Variants in SIL1 observed in about 807,000 individuals in gnomAD.
SIL1 encodes SIL1 nucleotide exchange factor, also known as nucleotide exchange factor SIL1.
Under a neutral mutation model 49.1 loss-of-function variants are expected in SIL1, and 40 were observed. The ratio of observed to expected loss-of-function variants is 0.81; its 90% CI spans 0.63 to 1.06. The LOEUF (loss-of-function observed/expected upper bound fraction) is 1.06, where lower values mean the gene tolerates loss of function less well. SIL1 is among the 50% of genes least tolerant of loss of function. SIL1 has a pLI of 0.00. For missense variants in SIL1, 500 were observed against 572.6 expected (o/e 0.87, Z 1.29); for synonymous variants, 253 against 250.8 (o/e 1.01, Z -0.08).
chr5:139,142,638 T>C (rs949943318), intron 1 of SIL1, among the ~76,000 whole-genome samples: 1 of 151,842 alleles, frequency 6.6e-6, no homozygotes, highest in East Asian at 1.9e-4. Flanking sequence ...GAAAAGAACA[T>C]CCTCAACATA....
At chr5:138,992,219 A>C (rs1159959360) in intron 7 of SIL1, among the ~76,000 whole-genome samples, 1 of 152,190 alleles carries the variant, frequency 6.6e-6, no homozygotes, top group African/African-American at 2.4e-5. Context: ...TCCAAGTCAA[A>C]AGCTTGTGTG....
intron 4 of SIL1, among the ~76,000 whole-genome samples, chr5:139,047,724 G>C (rs1204098789): frequency 6.6e-6 from 1 of 152,222 alleles, no homozygotes; most frequent in Non-Finnish European, 1.5e-5. Flanking sequence ...CCAGAAGTAG[G>C]AAGTCACCAT....
intron 7 of SIL1, among the ~76,000 whole-genome samples, chr5:139,004,273 T>C (rs1052937354): frequency 1.3e-5 from 2 of 152,198 alleles, no homozygotes; most frequent in African/African-American, 4.8e-5. Flanking sequence ...AGTGCTGAGA[T>C]TACAGGTGTG....
Position 139,042,682 on chromosome 5 carries a change from G to A in SIL1, c.391C>T (p.Leu131Phe). The change falls in exon 5 of 10, where the codon CTC becomes TTC. Residue 131 changes from leucine (L) to phenylalanine (F), a missense_variant. Coordinates refer to ENST00000394817, the MANE Select transcript of SIL1 (RefSeq NM_022464.5). Reference protein sequence around the residue: ...INTNTYTSQDLKSALAKFKEG... With the variant: ...INTNTYTSQDFKSALAKFKEG... ...TTGAATTTTGCCAGTGCACTCTTGA[G>A]ATCCTGAGATGTGTAGGTGTTGGTG... 6.2e-7 allele frequency: 1 copy of A among 1,614,092 alleles called. No homozygotes were observed. The highest frequency in any genetic ancestry group is 8.5e-7 in the Non-Finnish European group (1 of 1,180,022).
chr5:139,163,648 G>T (rs1046969751), intron 1 of SIL1, among the ~76,000 whole-genome samples: 1 of 152,106 alleles, frequency 6.6e-6, no homozygotes, highest in Non-Finnish European at 1.5e-5. Flanking sequence ...GGGATTACAG[G>T]CATGAGCCAA....
At chr5:139,100,654 G>A (rs1352005103) in intron 3 of SIL1, among the ~76,000 whole-genome samples, 1 of 152,224 alleles carries the variant, frequency 6.6e-6, no homozygotes, top group African/African-American at 2.4e-5. Flanking sequence ...CGGGTGATGA[G>A]AAGTGGTCAA....
At chr5:139,186,160 G>C (rs1179378575) in intron 1 of SIL1, among the ~76,000 whole-genome samples, 2 of 152,148 alleles carry the variant, frequency 1.3e-5, no homozygotes, top group Non-Finnish European at 2.9e-5. Flanking sequence ...AAAAGTTCTT[G>C]AGTCACCACC....
At chr5:138,980,094 G>A (rs1017353759) in intron 7 of SIL1, among the ~76,000 whole-genome samples, 3 of 152,202 alleles carry the variant, frequency 2.0e-5, no homozygotes, top group African/African-American at 7.2e-5. Flanking sequence ...TACAAAAACC[G>A]CTAGGGGCCT....
chr5:139,067,613 G>T (rs1308540131), intron 3 of SIL1, among the ~76,000 whole-genome samples: 2 of 152,206 alleles, frequency 1.3e-5, no homozygotes. Context: ...TTCTAAAAAG[G>T]TCCATAGGTC....
At chr5:138,964,619 A>G (rs1215964854) in intron 7 of SIL1, among the ~76,000 whole-genome samples, 1 of 152,210 alleles carries the variant, frequency 6.6e-6, no homozygotes, top group Non-Finnish European at 1.5e-5. Flanking sequence ...ATACCAAAGA[A>G]AAAGTTACAC....
chr5:139,011,589 C>T (rs1768273115), intron 7 of SIL1, among the ~76,000 whole-genome samples: 1 of 152,120 alleles, frequency 6.6e-6, no homozygotes, highest in Non-Finnish European at 1.5e-5. Context: ...CTGCCTCAGC[C>T]TCCCAAAGTG....
At chr5:139,011,715 T>A (rs185478614) in intron 7 of SIL1, among the ~76,000 whole-genome samples, 2 of 152,286 alleles carry the variant, frequency 1.3e-5, no homozygotes, top group Non-Finnish European at 2.9e-5. Context: ...CTTTGTGATG[T>A]TTTGGTTGTG....
At chr5:138,975,322 C>T (rs1767371750) in intron 7 of SIL1, among the ~76,000 whole-genome samples, 1 of 152,176 alleles carries the variant, frequency 6.6e-6, no homozygotes, top group Non-Finnish European at 1.5e-5. Flanking sequence ...AATGAAACCA[C>T]TGTCCTCCCC....
intron 5 of SIL1, among the ~76,000 whole-genome samples, chr5:139,038,633 A>C (rs1428434283): frequency 6.6e-6 from 1 of 151,930 alleles, no homozygotes; most frequent in Non-Finnish European, 1.5e-5. Context: ...TCGTACCCCT[A>C]CTCTCTAGTT....
intron 3 of SIL1, among the ~76,000 whole-genome samples, chr5:139,081,579 G>A (rs1243859248): frequency 6.6e-6 from 1 of 152,136 alleles, no homozygotes; most frequent in East Asian, 1.9e-4. Context: ...TATGTGAATG[G>A]CTACAAGAAC....
At chr5:139,129,532 C>T (rs1421455679) in intron 1 of SIL1, among the ~76,000 whole-genome samples, 1 of 151,928 alleles carries the variant, frequency 6.6e-6, no homozygotes, top group Non-Finnish European at 1.5e-5. Context: ...ATTAGCTGAG[C>T]ATGGTGGCGG....
intron 7 of SIL1, among the ~76,000 whole-genome samples, chr5:139,019,064 A>G (rs1245683535): frequency 6.6e-6 from 1 of 152,186 alleles, no homozygotes; most frequent in East Asian, 1.9e-4. Context: ...TAGAAAGAAT[A>G]TCTTCTAGAT....
intron 1 of SIL1, chr5:139,155,462 A>AGAGAGAGAGAGAGAGAGAGAGAGG (rs1751389292): frequency 6.6e-6 from 1 of 151,936 alleles, no homozygotes; most frequent in Admixed American, 6.6e-5. Flanking sequence ...AGAGAGAGAG[A>AGAGAGAGAGAGAGAGAGAGAGAGG]GAGAGAGAGA....
At chr5:139,049,218 G>A (rs1176023333) in intron 4 of SIL1, among the ~76,000 whole-genome samples, 3 of 152,180 alleles carry the variant, frequency 2.0e-5, no homozygotes, top group Non-Finnish European at 4.4e-5. Flanking sequence ...TGCCACCCAG[G>A]CTGGAGTGCT....
Sources: allele counts gnomAD v4.1 joint callset (sites outside exome capture counted in the v4.1 genomes callset), GRCh38; gene constraint gnomAD v4.1.1; transcripts MANE v1.5; gene names NCBI Gene and HGNC (gene_info 2026-07-23, HGNC 2026-07-21).